EPN3: variants seen among roughly 807,000 people sequenced by gnomAD.
EPN3 encodes the protein epsin-3.
Under a neutral mutation model 55.5 loss-of-function variants are expected in EPN3, and 56 were observed. That is an observed-to-expected ratio of 1.01 (90% confidence interval 0.81 to 1.26). The LOEUF (loss-of-function observed/expected upper bound fraction) is 1.26. EPN3 is among the 50% of genes most tolerant of loss of function. The probability of loss-of-function intolerance (pLI) is 0.00; values close to 1 mark genes in which losing one functional copy is unlikely to be tolerated. For synonymous variants in EPN3, 449 were observed against 375.2 expected (o/e 1.20, Z -2.27); for missense variants, 927 against 853.4 (o/e 1.09, Z -1.07).
Position 50,541,044 on chromosome 17 carries a change from G to C in EPN3, c.1231G>C (p.Glu411Gln), listed in dbSNP as rs758904480. Residue 411 changes from glutamate to glutamine, a missense_variant, in exon 7 of 10, where the codon GAG (glutamate) becomes CAG (glutamine). Coordinates refer to ENST00000268933, the MANE Select transcript of EPN3 (RefSeq NM_017957.3). ...TGADPWGASL[E>Q]TSDTPGGAST... Reference sequence around the variant, plus strand: ...GGCTGACCCTTGGGGAGCCTCCCTGGAGACCTCCGACACACCTGGTAAGAA... The same window carrying C: ...GGCTGACCCTTGGGGAGCCTCCCTGCAGACCTCCGACACACCTGGTAAGAA... 6.3e-7 allele frequency: 1 copy of C among 1,583,560 alleles called. No individual in the cohort carries two copies. Among genetic ancestry groups the C allele is most frequent in the South Asian group, 1.1e-5 (1 of 88,298 alleles).
At chr17:50,537,426 T>C (rs1436633331) in intron 2 of EPN3, 2 of 422,216 alleles carry the variant, frequency 4.7e-6, no homozygotes, top group Non-Finnish European at 4.3e-6. Context: ...CTGTGTGACC[T>C]GGGCAACCAG....
chr17:50,542,054 TC>T lies in EPN3; in HGVS notation c.1799del (p.Pro600ArgfsTer64). 2 of 1,593,282 alleles carry T rather than the reference TC, an allele frequency of 1.3e-6. No individual in the cohort carries two copies. Among genetic ancestry groups the T allele is most frequent in the East Asian group, 4.5e-5 (2 of 44,244 alleles). On this transcript the variant is annotated frameshift_variant, in exon 10 of 10. Transcript: ENST00000268933. LOFTEE classifies it high-confidence loss of function. ...GLTLPASVSVFPQAGAFAPQP... is the reference protein window; with the variant it reads ...GLTLPASVSVXPQAGAFAPQP... ...ACCCTCCCCGCCTCGGTTAGCGTCT[TC>T]CCGCAGGCCGGAGCCTTCGCACCGC...
chr17:50,540,644 G>C, intron 6 of EPN3, 149 bp from the exon 7 acceptor site: 1 of 1,095,156 alleles, frequency 9.1e-7, no homozygotes, highest in African/African-American at 1.6e-5. Context: ...TTGTCAAATA[G>C]GGGCTCCAGC....
chr17:50,541,590 G>A lies in EPN3; in HGVS notation c.1481G>A (p.Arg494Gln), dbSNP rs765739899. 2.0e-5 allele frequency: 32 copies of A among 1,614,014 alleles called. No individual in the cohort carries two copies. Among genetic ancestry groups the A allele is most frequent in the Non-Finnish European group, 2.5e-5 (29 of 1,180,022 alleles). ...TQPSKEARAC[R>Q]TPESFLGPSA... ...CCAAGCAAAGAGGCCCGAGCTTGCC[G>A]GACTCCCGAGTCCTTCCTGGGTCCC... The change falls in exon 9 of 10, where the codon CGG (arginine) becomes CAG (glutamine). Residue 494 changes from arginine to glutamine, a missense_variant. Transcript: ENST00000268933.
At chr17:50,540,184 AG>A (rs1382609299) in intron 5 of EPN3, 62 bp from the exon 6 acceptor site, 6 of 1,321,238 alleles carry the variant, frequency 4.5e-6, no homozygotes, top group Non-Finnish European at 6.5e-6. Flanking sequence ...CTGACAGGTC[AG>A]GGCCTGCCCT....
chr17:50,537,958 GGCCTCAACGGCCGTTGTT>G, intron 2 of EPN3, 103 bp from the exon 3 acceptor site: 1 of 794,272 alleles, frequency 1.3e-6, no homozygotes, highest in Non-Finnish European at 2.1e-6. Context: ...GGCCCACGGG[GGCCTCAACGGCCGTTGTT>G]CCCCTCCTCT....
At chr17:50,538,805 G>A in intron 3 of EPN3, 79 bp from the exon 4 acceptor site, 1 of 1,092,438 alleles carries the variant, frequency 9.2e-7, no homozygotes, top group Admixed American at 2.9e-5. Context: ...CCATCCCCAT[G>A]ACCCAGGCAG....
chr17:50,537,147 T>C, intron 2 of EPN3, 29 bp downstream of exon 2: 1 of 1,540,310 alleles, frequency 6.5e-7, no homozygotes, highest in Non-Finnish European at 8.7e-7. Flanking sequence ...GTGGCTGGGA[T>C]GGGGAGGTGG....
Position 50,541,700 on chromosome 17 carries a change from A to G in EPN3, c.1585+6A>G, listed in dbSNP as rs2034850763. 1 of 1,613,598 alleles carries G rather than the reference A, an allele frequency of 6.2e-7. No homozygotes were observed. Among genetic ancestry groups the G allele is most frequent in the South Asian group, 1.1e-5 (1 of 91,076 alleles). ...CCGGAACCCCTTCCTGACAGGTAAGATATGCCCTTGTCCCTCAACCCAGGG... is the reference window on the plus strand; with the variant it reads ...CCGGAACCCCTTCCTGACAGGTAAGGTATGCCCTTGTCCCTCAACCCAGGG... On this transcript the variant is annotated splice_donor_region_variant and intron_variant, in intron 9 of 9. Coordinates refer to ENST00000268933, the MANE Select transcript of EPN3 (RefSeq NM_017957.3).
intron 1 of EPN3, chr17:50,534,699 C>T (rs750430571): frequency 1.3e-5 from 12 of 958,296 alleles, no homozygotes; most frequent in African/African-American, 1.1e-4. Flanking sequence ...CCCACTCCCA[C>T]GGTATCTTAT....
At chr17:50,533,471 G>A (rs1361529866) in intron 1 of EPN3, among the ~76,000 whole-genome samples, 3 of 152,188 alleles carry the variant, frequency 2.0e-5, no homozygotes, top group Non-Finnish European at 2.9e-5. Flanking sequence ...AGGGGCTGGA[G>A]CCCACCTTAG....
chr17:50,534,741 A>G, intron 1 of EPN3: 3 of 799,932 alleles, frequency 3.8e-6, no homozygotes, highest in Non-Finnish European at 4.5e-6. Context: ...CTGCCAAGGC[A>G]TGTTTTCAAA....
chr17:50,538,226 G>A (rs2144033535), intron 3 of EPN3, 29 bp downstream of exon 3: 2 of 1,570,752 alleles, frequency 1.3e-6, no homozygotes, highest in Non-Finnish European at 1.7e-6. Context: ...ACTGCGGTGG[G>A]GAGGGGATGG....
rs1197555113 is a variant in EPN3 at position 50,536,546 on chromosome 17, A to G, written c.-11A>G. On this transcript the variant is annotated 5_prime_UTR_variant, in exon 2 of 10. Transcript: ENST00000268933. ...CGGGGGCGAGGGCCACCCACCTCCA[A>G]GTCTCCAGCCATGACGACCTCCGCA... 6.2e-7 allele frequency: 1 copy of G among 1,613,496 alleles called. No homozygotes were observed. Among genetic ancestry groups the G allele is most frequent in the Non-Finnish European group, 8.5e-7 (1 of 1,179,994 alleles).
At chr17:50,534,409 T>C in intron 1 of EPN3, 1 of 985,324 alleles carries the variant, frequency 1.0e-6, no homozygotes, top group Non-Finnish European at 1.2e-6. Context: ...AGGGCTCTGG[T>C]GCAGTCACAG....
At position 50,537,801 on chromosome 17, in the gene EPN3, C is replaced by T. The variant is rs78672021; in HGVS notation, c.563-278C>T. On this transcript the variant is annotated intron_variant, in intron 2 of 9. Coordinates refer to ENST00000268933, the MANE Select transcript of EPN3 (RefSeq NM_017957.3). ...CATCTGGAAGTCCAAGAGCTGGAGT[C>T]AGGGCACCTGGGTTCAAGTCCTGCT... The T allele has an allele frequency of 6.3e-3, 2,656 of 418,564 alleles. 69 individuals carry two copies. Among genetic ancestry groups the T allele is most frequent in the African/African-American group, 0.049 (2,411 of 48,768 alleles). The allele number at this position is 418,564 out of a possible 1,614,324, so 25.9% of individuals were successfully genotyped here.
At chr17:50,539,669 T>G (rs990684365) in intron 5 of EPN3, among the ~76,000 whole-genome samples, 1 of 152,204 alleles carries the variant, frequency 6.6e-6, no homozygotes, top group African/African-American at 2.4e-5. Flanking sequence ...TATGTGATAC[T>G]GTCAATCAAG....
rs1481431604 is a variant in EPN3 at position 50,541,241 on chromosome 17, C to T, written c.1262C>T (p.Thr421Ile). The T allele has an allele frequency of 6.2e-6, 10 of 1,613,674 alleles. No homozygotes were observed. The highest frequency in any genetic ancestry group is 5.0e-5 in the Admixed American group (3 of 60,002). Residue 421 changes from threonine to isoleucine, a missense_variant, in exon 8 of 10, where the codon ACC (threonine) becomes ATC (isoleucine). Transcript: ENST00000268933. ...TCTCTCTTCCGAGGTGGTGCCTCGA[C>T]CTTTGACCCATTTGCCAAACCTCCA... ...ETSDTPGGAS[T>I]FDPFAKPPES...
chr17:50,538,409 G>C, intron 3 of EPN3: 1 of 573,688 alleles, frequency 1.7e-6, no homozygotes, highest in South Asian at 2.2e-5. Context: ...AAAGGGTGGC[G>C]AGTGTACAAT....
Sources: gnomAD v4.1 joint callset for allele counts (sites outside exome capture counted in the v4.1 genomes callset) on GRCh38, gnomAD v4.1.1 for gene constraint, MANE v1.5 for transcripts, NCBI Gene and HGNC (gene_info 2026-07-23, HGNC 2026-07-21) for gene names.